The following ANKRD44 variants were observed in gnomAD, a reference collection of about 807,000 sequenced individuals.
ANKRD44 encodes ankyrin repeat domain 44.
In ANKRD44, 35 loss-of-function variants were observed where a neutral mutation model predicts 116.0. The ratio of observed to expected loss-of-function variants is 0.30; its 90% CI spans 0.23 to 0.40. ANKRD44 has a LOEUF of 0.40. Among genes scored for constraint, ANKRD44 ranks in the 10% least tolerant of loss-of-function variants. ANKRD44 has a pLI of 1.00. For missense variants in ANKRD44, 1,014 were observed against 1,242.6 expected, an observed-to-expected ratio of 0.82 and a Z score of 2.77; for synonymous variants, 435 against 461.8, an observed-to-expected ratio of 0.94 and a Z score of 0.74.
Position 197,086,837 on chromosome 2 carries a change from C to A in ANKRD44, c.1248-89G>T. On this transcript the variant is annotated intron_variant, in intron 12 of 27. Coordinates refer to ENST00000282272, the MANE Select transcript of ANKRD44 (RefSeq NM_001195144.2). ...GAGCTATTTTCTGCAGAGTACAGGA[C>A]CAGATGAAAAGATAGCTCCTGGTCT... is the stretch of plus-strand genomic sequence containing the variant. The A allele has an allele frequency of 2.5e-6, 3 of 1,210,002 alleles. No individual in the cohort carries two copies. In the South Asian group the frequency reaches 4.0e-5, roughly 16 times the overall value. 75.0% of individuals were successfully genotyped at this position (1,210,002 alleles called of 1,614,324 possible). A position where few individuals can be genotyped will look rare whatever the true frequency, so the allele number is the denominator to read the frequency against.
At chr2:197,225,302 A>C (rs1163585784) in intron 1 of ANKRD44, among the ~76,000 whole-genome samples, 1 of 152,210 alleles carries the variant, frequency 6.6e-6, no homozygotes, top group Non-Finnish European at 1.5e-5. Context: ...AAATAAGAAC[A>C]TTAAATTAAT....
intron 21 of ANKRD44, among the ~76,000 whole-genome samples, chr2:196,980,449 T>A (rs760394178): frequency 2.0e-5 from 3 of 152,216 alleles, no homozygotes; most frequent in African/African-American, 7.2e-5. Context: ...TAGAAACCCG[T>A]TAGCTTTCTA....
chr2:197,153,193 A>G (rs2697255), intron 2 of ANKRD44, among the ~76,000 whole-genome samples: 125,850 of 137,896 alleles, frequency 0.91, 58,615 homozygotes, highest in East Asian at 1. Context: ...CCACTGCACC[A>G]TCTTGCTCTG....
chr2:197,294,285 AAGG>A (rs1271692402), intron 1 of ANKRD44, among the ~76,000 whole-genome samples: 7 of 152,192 alleles, frequency 4.6e-5, no homozygotes, highest in South Asian at 2.1e-4. Context: ...GGATAGAGAA[AAGG>A]AGGTCAGTCA....
chr2:197,253,912 T>C (rs2082378426), intron 1 of ANKRD44, among the ~76,000 whole-genome samples: 1 of 152,248 alleles, frequency 6.6e-6, no homozygotes, highest in African/African-American at 2.4e-5. Flanking sequence ...TATTCTGCCT[T>C]ATTCCAGAAA....
chr2:197,091,179 A>G (rs1483608354), intron 10 of ANKRD44, among the ~76,000 whole-genome samples: 1 of 152,210 alleles, frequency 6.6e-6, no homozygotes, highest in Non-Finnish European at 1.5e-5. Flanking sequence ...ACATGCCCTC[A>G]GGGGGCTTTG....
intron 1 of ANKRD44, among the ~76,000 whole-genome samples, chr2:197,301,805 TAAC>T (rs1326255062): frequency 6.6e-6 from 1 of 152,218 alleles, no homozygotes; most frequent in Non-Finnish European, 1.5e-5. Context: ...TGAACCAAAC[TAAC>T]AAAATAATCT....
chr2:197,190,576 C>G (rs1230046256), intron 1 of ANKRD44, among the ~76,000 whole-genome samples: 1 of 152,084 alleles, frequency 6.6e-6, no homozygotes, highest in East Asian at 1.9e-4. Context: ...CTTTGGCACT[C>G]CTTTTTGTTG....
chr2:197,161,822 G>C (rs1019878710), intron 2 of ANKRD44, among the ~76,000 whole-genome samples: 1 of 152,158 alleles, frequency 6.6e-6, no homozygotes, highest in South Asian at 2.1e-4. Flanking sequence ...TCAATCAGCT[G>C]AGGATCCTGG....
At chr2:197,204,515 G>A (rs2081163455) in intron 1 of ANKRD44, among the ~76,000 whole-genome samples, 2 of 152,314 alleles carry the variant, frequency 1.3e-5, no homozygotes, top group East Asian at 1.9e-4. Flanking sequence ...TAGGGGGCTA[G>A]ACAAGAGCAT....
chr2:196,995,312 T>C (rs554837936), intron 26 of ANKRD44, 67 bp downstream of exon 26: 8 of 1,185,646 alleles, frequency 6.7e-6, no homozygotes, highest in Admixed American at 1.9e-5. Context: ...CACAGCAGGC[T>C]CTTAATACTT....
chr2:197,207,076 A>G (rs2081225353), intron 1 of ANKRD44, among the ~76,000 whole-genome samples: 2 of 152,230 alleles, frequency 1.3e-5, no homozygotes, highest in African/African-American at 4.8e-5. Context: ...AACTTACTAA[A>G]TGTGGCCGTG....
intron 1 of ANKRD44, among the ~76,000 whole-genome samples, chr2:197,220,813 TG>T (rs1281307266): frequency 1.3e-5 from 2 of 152,256 alleles, no homozygotes; most frequent in African/African-American, 4.8e-5. Context: ...TACTTTATGT[TG>T]ACTCACAGGT....
At chr2:197,216,869 A>AACACACACACACACACACACAC (rs61641385) in intron 1 of ANKRD44, among the ~76,000 whole-genome samples, 19 of 139,832 alleles carry the variant, frequency 1.4e-4, no homozygotes, top group African/African-American at 4.4e-4. Context: ...ACATTGGTTA[A>AACACACACACACACACACACAC]ACACACACAC....
At chr2:196,996,728 C>T (rs939023142) in intron 25 of ANKRD44, among the ~76,000 whole-genome samples, 162 of 151,994 alleles carry the variant, frequency 1.1e-3, no homozygotes, top group African/African-American at 3.7e-3. Flanking sequence ...CATGGTGAAA[C>T]TCCATCTCTC....
intron 4 of ANKRD44, among the ~76,000 whole-genome samples, chr2:197,130,204 C>G (rs1382457537): frequency 2.0e-5 from 3 of 152,168 alleles, no homozygotes; most frequent in Non-Finnish European, 4.4e-5. Context: ...AACCAATTTG[C>G]TCAATTAATG....
intron 16 of ANKRD44, among the ~76,000 whole-genome samples, chr2:197,032,350 G>A (rs2076722588): frequency 6.6e-6 from 1 of 151,736 alleles, no homozygotes; most frequent in Non-Finnish European, 1.5e-5. Context: ...AACTCATAGT[G>A]GCCTGAACTA....
intron 11 of ANKRD44, 126 bp from the exon 12 acceptor site, chr2:197,088,900 G>T: frequency 2.0e-6 from 2 of 1,017,854 alleles, no homozygotes; most frequent in South Asian, 2.1e-5. Context: ...GCAAGCAATT[G>T]TAGTCAGAAA....
intron 1 of ANKRD44, among the ~76,000 whole-genome samples, chr2:197,281,619 T>A (rs1285901589): frequency 2.0e-5 from 3 of 152,192 alleles, no homozygotes; most frequent in African/African-American, 7.2e-5. Context: ...TATCAGCAGA[T>A]GTGTTTGGAA....
Sources: gnomAD v4.1 joint callset for allele counts (sites outside exome capture counted in the v4.1 genomes callset) on GRCh38, gnomAD v4.1.1 for gene constraint, MANE v1.5 for transcripts, NCBI Gene and HGNC (gene_info 2026-07-23, HGNC 2026-07-21) for gene names.